The following CFTR variants were observed in gnomAD, a reference collection of about 807,000 sequenced individuals.
The protein encoded by CFTR is cystic fibrosis transmembrane conductance regulator.
Under a neutral mutation model 171.6 loss-of-function variants are expected in CFTR, and 181 were observed. The ratio of observed to expected loss-of-function variants is 1.05; its 90% confidence interval spans 0.93 to 1.19. The LOEUF is 1.19. Among genes scored for constraint, CFTR ranks in the 50% most tolerant of loss-of-function variants. CFTR has a pLI of 0.00. For synonymous variants in CFTR, 583 were observed against 608.0 expected, an observed-to-expected ratio of 0.96 and a Z score of 0.60; for missense variants, 1,968 against 1,734.7, an observed-to-expected ratio of 1.13 and a Z score of -2.39.
chr7:117,512,240 T>G (rs1416354726), intron 3 of CFTR, among the ~76,000 whole-genome samples: 1 of 152,186 alleles, frequency 6.6e-6, no homozygotes, highest in African/African-American at 2.4e-5. Flanking sequence ...TTTTAAATAT[T>G]ATTAGCTATG....
At chr7:117,518,277 A>G in intron 3 of CFTR, among the ~76,000 whole-genome samples, 1 of 147,904 alleles carries the variant, frequency 6.8e-6, no homozygotes. Flanking sequence ...TATGTCTCTA[A>G]CCCATTATTA....
chr7:117,496,212 T>C (rs189967427), intron 1 of CFTR, among the ~76,000 whole-genome samples: 96 of 152,296 alleles, frequency 6.3e-4, no homozygotes, highest in Non-Finnish European at 1.3e-3. Flanking sequence ...CATTCTTTTT[T>C]ATTTTTTTAG....
At chr7:117,658,496 A>G (rs182204287) in intron 24 of CFTR, among the ~76,000 whole-genome samples, 1 of 152,124 alleles carries the variant, frequency 6.6e-6, no homozygotes, top group East Asian at 1.9e-4. Flanking sequence ...GCTTTAATTA[A>G]TATCTCTATT....
intron 11 of CFTR, among the ~76,000 whole-genome samples, chr7:117,579,162 A>G (rs1042760507): frequency 6.6e-6 from 1 of 152,106 alleles, no homozygotes. Context: ...TAAGAAATTT[A>G]TAAGACATAT....
At chr7:117,622,223 T>C (rs1792593425) in intron 21 of CFTR, among the ~76,000 whole-genome samples, 1 of 152,216 alleles carries the variant, frequency 6.6e-6, no homozygotes, top group Non-Finnish European at 1.5e-5. Flanking sequence ...TGACTTTTTA[T>C]GTGCTCTAGT....
At chr7:117,656,029 T>G (rs1312991235) in intron 24 of CFTR, among the ~76,000 whole-genome samples, 1 of 152,140 alleles carries the variant, frequency 6.6e-6, no homozygotes, top group African/African-American at 2.4e-5. Context: ...GATTTCAACA[T>G]ATGACTTTGG....
rs121909026 is a variant in CFTR at position 117,652,905 on chromosome 7, C to A, written c.3937C>A (p.Gln1313Lys). Residue 1313 changes from glutamine (Q) to lysine (K), a missense_variant, in exon 24 of 27, where the codon CAA (glutamine) becomes AAA (lysine). Physicochemically the swap from Gln to Lys is moderately conservative, Grantham distance 53. Coordinates refer to ENST00000003084, the MANE Select transcript of CFTR (RefSeq NM_000492.4). The stretch of plus-strand genomic sequence containing the variant: ...GGATCCCTATGAACAGTGGAGTGAT[C>A]AAGAAATATGGAAAGTTGCAGATGA... ...NLDPYEQWSD[Q>K]EIWKVADEVG... The A allele has an allele frequency of 6.2e-7, 1 of 1,605,496 alleles. No individual in the cohort carries two copies. Among genetic ancestry groups the A allele is most frequent in the Non-Finnish European group, 8.5e-7 (1 of 1,173,330 alleles).
chr7:117,577,415 A>G (rs34914602), intron 11 of CFTR, among the ~76,000 whole-genome samples: 11 of 152,164 alleles, frequency 7.2e-5, no homozygotes, highest in African/African-American at 2.2e-4. Flanking sequence ...GAATTGTTTA[A>G]AGTGGATCAC....
chr7:117,630,539 A>G (rs185887039), intron 22 of CFTR, among the ~76,000 whole-genome samples: 22 of 152,286 alleles, frequency 1.4e-4, no homozygotes, highest in Admixed American at 1.2e-3. Flanking sequence ...TTATTGGGCA[A>G]AAAGGAAAAA....
At position 117,592,545 on chromosome 7, in the gene CFTR, A is replaced by G; in HGVS notation, c.2378A>G (p.Lys793Arg). 1.3e-6 allele frequency: 2 copies of G among 1,522,272 alleles called. No individual in the cohort carries two copies. Among genetic ancestry groups the G allele is most frequent in the Non-Finnish European group, 1.8e-6 (2 of 1,137,662 alleles). 94.3% of individuals were successfully genotyped at this position (1,522,272 alleles called of 1,614,324 possible). The change falls in exon 14 of 27, where the codon AAA becomes AGA. Residue 793 changes from lysine (K) to arginine (R), a missense_variant. Lys to Arg is a conservative substitution (Grantham distance 26). Coordinates refer to ENST00000003084, the MANE Select transcript of CFTR (RefSeq NM_000492.4). ...IHRKTTASTR[K>R]VSLAPQANLT... ...CGAAAGACAACAGCATCCACACGAA[A>G]AGTGTCACTGGCCCCTCAGGCAAAC...
rs566316427 is a variant in CFTR, at chr7:117,486,738, GC to G, written c.53+6592del. ...TAAGGGGGCTTTGTAGGCTTTGTAGGCTTTGTTTGGGCTTTATCATACTGGA... is the reference window on the plus strand; with the variant it reads ...TAAGGGGGCTTTGTAGGCTTTGTAGGTTTGTTTGGGCTTTATCATACTGGA... On this transcript the variant is annotated intron_variant, in intron 1 of 26. Transcript: ENST00000003084. Among the ~76,000 whole-genome samples, 29 of 151,906 alleles carry G rather than the reference GC, an allele frequency of 1.9e-4. 1 individual carries two copies. The highest frequency in any genetic ancestry group is 7.0e-4 in the African/African-American group (29 of 41,440).
intron 15 of CFTR, among the ~76,000 whole-genome samples, chr7:117,597,912 G>C (rs1054386202): frequency 3.9e-5 from 6 of 152,142 alleles, no homozygotes; most frequent in Admixed American, 3.3e-4. Context: ...CAGTGGATGA[G>C]GCTTTTCTAT....
chr7:117,523,342 G>A (rs560252884), intron 3 of CFTR, among the ~76,000 whole-genome samples: 1 of 151,886 alleles, frequency 6.6e-6, no homozygotes, highest in African/African-American at 2.4e-5. Flanking sequence ...AAGCAACAAA[G>A]CAAGACTGTC....
At chr7:117,656,474 T>G (rs1793185117) in intron 24 of CFTR, among the ~76,000 whole-genome samples, 1 of 152,164 alleles carries the variant, frequency 6.6e-6, no homozygotes, top group Non-Finnish European at 1.5e-5. Flanking sequence ...GGAAATATAT[T>G]AACTAAAATG....
intron 3 of CFTR, among the ~76,000 whole-genome samples, chr7:117,529,388 G>T (rs1798816561): frequency 9.0e-6 from 1 of 111,154 alleles, no homozygotes; most frequent in Non-Finnish European, 1.8e-5. Flanking sequence ...AGGGGGGAGG[G>T]ATAGCATTGG....
chr7:117,653,444 C>T (rs1584843111), intron 24 of CFTR, among the ~76,000 whole-genome samples: 1 of 152,258 alleles, frequency 6.6e-6, no homozygotes, highest in Admixed American at 6.5e-5. Flanking sequence ...ATTGATGGTG[C>T]TTTCTTGCTG....
intron 3 of CFTR, among the ~76,000 whole-genome samples, chr7:117,530,219 C>T (rs924175292): frequency 6.6e-6 from 1 of 152,116 alleles, no homozygotes; most frequent in Non-Finnish European, 1.5e-5. Context: ...TGGCAAAACT[C>T]CTTCCCCAAA....
chr7:117,569,583 A>C (rs185082051), intron 11 of CFTR, among the ~76,000 whole-genome samples: 2 of 152,210 alleles, frequency 1.3e-5, no homozygotes, highest in African/African-American at 4.8e-5. Context: ...AACAATGGGC[A>C]TGACTAAATA....
intron 11 of CFTR, among the ~76,000 whole-genome samples, chr7:117,583,013 C>G (rs1198896088): frequency 6.6e-6 from 1 of 152,020 alleles, no homozygotes; most frequent in Admixed American, 6.6e-5. Context: ...ATTCTCCCTC[C>G]TCCTATTTCC....
Sources: allele counts gnomAD v4.1 joint callset (sites outside exome capture counted in the v4.1 genomes callset), GRCh38; gene constraint gnomAD v4.1.1; transcripts MANE v1.5; gene names NCBI Gene and HGNC (gene_info 2026-07-23, HGNC 2026-07-21).